Variants in RASAL2 observed in about 807,000 individuals in gnomAD.
The protein encoded by RASAL2 is ras GTPase-activating protein nGAP.
Under a neutral mutation model 128.9 loss-of-function variants are expected in RASAL2, and 58 were observed. The ratio of observed to expected loss-of-function variants is 0.45; its 90% CI spans 0.36 to 0.56. The LOEUF (loss-of-function observed/expected upper bound fraction) is 0.56. RASAL2 is among the 20% of genes least tolerant of loss of function. RASAL2 has a pLI of 0.00. For synonymous variants in RASAL2, 561 were observed against 580.8 expected, an observed-to-expected ratio of 0.97 and a Z score of 0.49; for missense variants, 1,360 against 1,601.6, an observed-to-expected ratio of 0.85 and a Z score of 2.57.
At chr1:178,246,157 C>T (rs2102067641) in intron 1 of RASAL2, among the ~76,000 whole-genome samples, 1 of 152,234 alleles carries the variant, frequency 6.6e-6, no homozygotes, top group African/African-American at 2.4e-5. Context: ...TTACTTTGGG[C>T]AGTATGGTCA....
intron 1 of RASAL2, among the ~76,000 whole-genome samples, chr1:178,252,357 G>A (rs922809010): frequency 3.3e-5 from 5 of 152,028 alleles, no homozygotes; most frequent in African/African-American, 1.2e-4. Flanking sequence ...AGGAAATGTT[G>A]GAATAGGAGG....
chr1:178,146,654 T>A (rs904602873), intron 1 of RASAL2, among the ~76,000 whole-genome samples: 4 of 152,194 alleles, frequency 2.6e-5, no homozygotes, highest in Non-Finnish European at 5.9e-5. Context: ...CTTGGCTGAG[T>A]ATGTGTGCCT....
At chr1:178,453,689 T>G (rs1283882550) in intron 11 of RASAL2, among the ~76,000 whole-genome samples, 2 of 152,080 alleles carry the variant, frequency 1.3e-5, no homozygotes, top group Admixed American at 6.6e-5. Context: ...ATTTTTATAA[T>G]TTATAGAAAA....
intron 1 of RASAL2, among the ~76,000 whole-genome samples, chr1:178,249,741 T>C (rs1419507191): frequency 6.6e-6 from 1 of 152,176 alleles, no homozygotes; most frequent in Non-Finnish European, 1.5e-5. Flanking sequence ...TCGTTTTTGT[T>C]GATTTTGATA....
intron 3 of RASAL2, among the ~76,000 whole-genome samples, chr1:178,369,073 G>A (rs1444946603): frequency 6.6e-6 from 1 of 152,070 alleles, no homozygotes; most frequent in Middle Eastern, 3.4e-3. Flanking sequence ...TGCTTTGTTC[G>A]GATTATAAAA....
At chr1:178,389,420 T>G (rs772834448) in intron 3 of RASAL2, 35 of 274,890 alleles carry the variant, frequency 1.3e-4, no homozygotes, top group Non-Finnish European at 1.8e-4. Context: ...CTTAATACAG[T>G]ATATAGTAAT....
chr1:178,175,506 C>T (rs1195145513), intron 1 of RASAL2, among the ~76,000 whole-genome samples: 1 of 148,338 alleles, frequency 6.7e-6, no homozygotes, highest in East Asian at 2.0e-4. Context: ...ATTAAACGTA[C>T]TTATTTAATT....
At chr1:178,199,855 A>G (rs187338395) in intron 1 of RASAL2, among the ~76,000 whole-genome samples, 31 of 152,314 alleles carry the variant, frequency 2.0e-4, no homozygotes, top group Admixed American at 1.7e-3. Context: ...ACCAACCCTC[A>G]ATCTGGGTGG....
intron 3 of RASAL2, among the ~76,000 whole-genome samples, chr1:178,310,687 A>G (rs1668202473): frequency 6.6e-6 from 1 of 152,088 alleles, no homozygotes. Flanking sequence ...TTTATCTTCC[A>G]TATTTTAGCA....
chr1:178,390,146 C>G lies in RASAL2; in HGVS notation c.504C>G (p.Thr168=). The G allele has an allele frequency of 6.2e-7, 1 of 1,613,054 alleles. No individual in the cohort carries two copies. Among genetic ancestry groups the G allele is most frequent in the Non-Finnish European group, 8.5e-7 (1 of 1,179,486 alleles). Reference sequence around the variant, plus strand: ...CTCGTAGACGGAGTATCTCAGGGACCAGTACATCAGAGAAACCCAACTCCA... The same window carrying G: ...CTCGTAGACGGAGTATCTCAGGGACGAGTACATCAGAGAAACCCAACTCCA... ...RSPRRRSISG[T]STSEKPNSMD... is the part of the protein sequence containing the mutation. Residue 168 remains threonine (T), a synonymous_variant, in exon 4 of 18, where the codon ACC becomes ACG. Coordinates refer to ENST00000367649, the MANE Select transcript of RASAL2 (RefSeq NM_170692.4).
In RASAL2 at chr1:178,473,930, ACTC is replaced by A. The variant is rs958666688; in HGVS notation, c.*694_*696del. The A allele has an allele frequency of 1.6e-4, 25 of 151,970 alleles. 1 individual carries two copies. 9.4% of individuals were successfully genotyped at this position (151,970 alleles called of 1,614,324 possible). ...GGACTTTAGGAGTAATTTCTATTGAACTCCTGTCAATATGTTTATTTCCTCTGT... is the reference window on the plus strand; with the variant it reads ...GGACTTTAGGAGTAATTTCTATTGAACTGTCAATATGTTTATTTCCTCTGT... On this transcript the variant is annotated 3_prime_UTR_variant, in exon 18 of 18. Transcript: ENST00000367649.
rs185383745 is a variant in RASAL2 at position 178,346,809 on chromosome 1, C to T, written c.458-43291C>T. 8.5e-5 allele frequency among the ~76,000 whole-genome samples: 13 copies of T among 152,242 alleles called. No individual in the cohort carries two copies. In the East Asian group the frequency reaches 2.5e-3, roughly 29 times the overall value. On this transcript the variant is annotated intron_variant, in intron 3 of 17. Coordinates refer to ENST00000367649, the MANE Select transcript of RASAL2 (RefSeq NM_170692.4). Reference sequence around the variant, plus strand: ...AAGAAGAAACCCTAGGAGTTAACTGCTATCATTACAAGGAATGAAAACTAG... The same window carrying T: ...AAGAAGAAACCCTAGGAGTTAACTGTTATCATTACAAGGAATGAAAACTAG...
intron 5 of RASAL2, among the ~76,000 whole-genome samples, chr1:178,435,558 A>AATT (rs1676201941): frequency 6.6e-6 from 1 of 152,120 alleles, no homozygotes; most frequent in Non-Finnish European, 1.5e-5. Context: ...TATTTCTTAA[A>AATT]TAAGTCAGAA....
chr1:178,418,478 C>A (rs1167758233), intron 4 of RASAL2, among the ~76,000 whole-genome samples: 2 of 152,132 alleles, frequency 1.3e-5, no homozygotes, highest in Admixed American at 6.5e-5. Context: ...GAGTGAAAAA[C>A]AGCCTAGGGT....
intron 1 of RASAL2, among the ~76,000 whole-genome samples, chr1:178,173,336 A>T (rs926803263): frequency 1.3e-5 from 2 of 152,040 alleles, no homozygotes; most frequent in African/African-American, 4.8e-5. Context: ...CTTGGTATTC[A>T]TGTTTCCTGA....
chr1:178,385,243 A>G (rs575032182), intron 3 of RASAL2, among the ~76,000 whole-genome samples: 1 of 152,278 alleles, frequency 6.6e-6, no homozygotes, highest in African/African-American at 2.4e-5. Context: ...ATTTGAGCCC[A>G]GGAGTTAGAG....
intron 5 of RASAL2, among the ~76,000 whole-genome samples, chr1:178,430,715 C>G (rs1050952465): frequency 6.6e-6 from 1 of 151,962 alleles, no homozygotes; most frequent in East Asian, 1.9e-4. Context: ...AATGAGATAA[C>G]TGAGGTTCAG....
chr1:178,281,699 T>C (rs1666791540), intron 1 of RASAL2, among the ~76,000 whole-genome samples: 1 of 152,152 alleles, frequency 6.6e-6, no homozygotes, highest in Admixed American at 6.5e-5. Context: ...TTGTCAAAGT[T>C]TCTAATTGTT....
intron 4 of RASAL2, among the ~76,000 whole-genome samples, chr1:178,406,029 C>T (rs1333316123): frequency 1.3e-5 from 2 of 152,140 alleles, no homozygotes; most frequent in African/African-American, 4.8e-5. Flanking sequence ...GTCCTTTCCC[C>T]ACTCTACCTC....
Sources: gnomAD v4.1 joint callset for allele counts (sites outside exome capture counted in the v4.1 genomes callset) on GRCh38, gnomAD v4.1.1 for gene constraint, MANE v1.5 for transcripts, NCBI Gene and HGNC (gene_info 2026-07-23, HGNC 2026-07-21) for gene names.